The following LIN52 variants were observed in gnomAD, a reference collection of about 807,000 sequenced individuals.
LIN52 encodes protein lin-52 homolog.
Under a neutral mutation model 18.5 loss-of-function variants are expected in LIN52, and 4 were observed. The ratio of observed to expected loss-of-function variants is 0.22; its 90% confidence interval spans 0.11 to 0.49. The LOEUF is 0.49. Ranked by LOEUF, LIN52 falls within the 20% of genes least tolerant of loss-of-function variation. The pLI is 0.97. For synonymous variants in LIN52, 34 were observed against 45.5 expected (o/e 0.75, Z 1.02); for missense variants, 102 against 139.5 (o/e 0.73, Z 1.35).
chr14:74,149,892 A>G (rs2061169188), intron 5 of LIN52, among the ~76,000 whole-genome samples: 2 of 152,166 alleles, frequency 1.3e-5, no homozygotes, highest in Admixed American at 1.3e-4. Flanking sequence ...ATAGTCCTCA[A>G]GGGGGACCAA....
intron 5 of LIN52, among the ~76,000 whole-genome samples, chr14:74,166,518 CTT>C (rs2139570754): frequency 6.6e-6 from 1 of 152,286 alleles, no homozygotes; most frequent in African/African-American, 2.4e-5. Context: ...CGGCCAAGAT[CTT>C]TAAATTAAAA....
At chr14:74,090,602 T>C (rs952965393) in intron 1 of LIN52, among the ~76,000 whole-genome samples, 2 of 152,236 alleles carry the variant, frequency 1.3e-5, no homozygotes, top group African/African-American at 4.8e-5. Context: ...CCCAAAGTGC[T>C]GGGATTACAG....
chr14:74,180,431 A>G (rs1052071227), intron 5 of LIN52, among the ~76,000 whole-genome samples: 3 of 150,792 alleles, frequency 2.0e-5, no homozygotes, highest in African/African-American at 7.3e-5. Flanking sequence ...ATGCCCAGCT[A>G]ATTTTTTTTT....
chr14:74,141,786 T>G (rs1344969244), intron 5 of LIN52, among the ~76,000 whole-genome samples: 1 of 152,224 alleles, frequency 6.6e-6, no homozygotes, highest in East Asian at 1.9e-4. Context: ...TAGCCTTTGA[T>G]GAGTGTTGTC....
At chr14:74,191,019 T>C (rs1329383536) in intron 5 of LIN52, among the ~76,000 whole-genome samples, 4 of 152,234 alleles carry the variant, frequency 2.6e-5, no homozygotes, top group Non-Finnish European at 4.4e-5. Context: ...CCTTGACTTA[T>C]TGATCACTTA....
chr14:74,104,041 G>A (rs1205580662), intron 5 of LIN52, among the ~76,000 whole-genome samples: 5 of 151,704 alleles, frequency 3.3e-5, no homozygotes, highest in African/African-American at 1.2e-4. Context: ...TGAGATTACA[G>A]GCTCATGCCA....
At chr14:74,185,280 A>G (rs1296223072) in intron 5 of LIN52, among the ~76,000 whole-genome samples, 8 of 123,048 alleles carry the variant, frequency 6.5e-5, no homozygotes, top group Admixed American at 6.2e-4. Flanking sequence ...GGGGGTTTTT[A>G]TGTAATATAT....
chr14:74,161,402 T>C (rs1595180048), intron 5 of LIN52, among the ~76,000 whole-genome samples: 1 of 152,280 alleles, frequency 6.6e-6, no homozygotes, highest in Middle Eastern at 3.4e-3. Context: ...GCCAGGCTGG[T>C]CTCAAACTCC....
intron 5 of LIN52, among the ~76,000 whole-genome samples, 166 bp from the exon 6 acceptor site, chr14:74,198,756 G>A (rs2078929856): frequency 6.6e-6 from 1 of 152,148 alleles, no homozygotes; most frequent in Non-Finnish European, 1.5e-5. Context: ...TGTCTATAGT[G>A]GTTTGTTTTT....
chr14:74,103,075 C>CTGTTT (rs546838212), intron 5 of LIN52, among the ~76,000 whole-genome samples: 11 of 152,134 alleles, frequency 7.2e-5, no homozygotes, highest in South Asian at 4.2e-4. Flanking sequence ...CTTTCTTTTG[C>CTGTTT]TGTTTTGTTT....
At chr14:74,142,283 A>G (rs1184017123) in intron 5 of LIN52, among the ~76,000 whole-genome samples, 2 of 152,220 alleles carry the variant, frequency 1.3e-5, no homozygotes, top group Non-Finnish European at 2.9e-5. Flanking sequence ...TCATACTACT[A>G]AATTGCAAAA....
chr14:74,093,020 C>T (rs1020645870), intron 2 of LIN52, among the ~76,000 whole-genome samples: 4 of 151,558 alleles, frequency 2.6e-5, no homozygotes, highest in African/African-American at 9.7e-5. Flanking sequence ...GGTGCAATCT[C>T]GGCTCACTGC....
At chr14:74,172,124 T>C (rs1269703125) in intron 5 of LIN52, among the ~76,000 whole-genome samples, 1 of 152,236 alleles carries the variant, frequency 6.6e-6, no homozygotes, top group East Asian at 1.9e-4. Flanking sequence ...GTTTCTTCAC[T>C]ATTGTAAGGC....
intron 5 of LIN52, among the ~76,000 whole-genome samples, chr14:74,155,391 A>C (rs1028049101): frequency 2.6e-5 from 4 of 152,258 alleles, no homozygotes; most frequent in Admixed American, 2.0e-4. Context: ...CAGAGCAGTG[A>C]AATAGAGAGG....
chr14:74,181,457 G>A lies in LIN52; in HGVS notation c.284-17465G>A, dbSNP rs192661738. Reference sequence around the variant, plus strand: ...TGTCAAAAAAAAAAAAAAAATTCTAGTACATGCTTATGCTTATACTAGAAT... The same window carrying A: ...TGTCAAAAAAAAAAAAAAAATTCTAATACATGCTTATGCTTATACTAGAAT... On this transcript the variant is annotated intron_variant, in intron 5 of 5. Coordinates refer to ENST00000555028, the MANE Select transcript of LIN52 (RefSeq NM_001024674.3). Among the ~76,000 whole-genome samples, 13 of 151,282 alleles carry A rather than the reference G, an allele frequency of 8.6e-5. No homozygotes were observed. The Admixed American group carries it at 8.6e-4, about 10-fold the overall frequency.
intron 5 of LIN52, chr14:74,114,076 G>A: frequency 1.1e-6 from 1 of 925,254 alleles, no homozygotes; most frequent in South Asian, 5.0e-5. Flanking sequence ...TACCTCCCGG[G>A]CTCAAGCAAG....
intron 5 of LIN52, chr14:74,114,107 A>C (rs1393015572): frequency 2.0e-6 from 2 of 981,326 alleles, no homozygotes; most frequent in African/African-American, 3.5e-5. Context: ...CAGCTTCCCA[A>C]GTAGCTGGGA....
chr14:74,173,900 G>A (rs11849458), intron 5 of LIN52, among the ~76,000 whole-genome samples: 1 of 152,110 alleles, frequency 6.6e-6, no homozygotes, highest in African/African-American at 2.4e-5. Context: ...GTTCTCTTGC[G>A]AGAACAAAGC....
intron 5 of LIN52, among the ~76,000 whole-genome samples, chr14:74,103,598 A>G (rs954510488): frequency 6.6e-6 from 1 of 150,832 alleles, no homozygotes; most frequent in African/African-American, 2.4e-5. Context: ...AGGCCCAGCT[A>G]ATTTTGTATT....
Sources: gnomAD v4.1 joint callset for allele counts (sites outside exome capture counted in the v4.1 genomes callset) on GRCh38, gnomAD v4.1.1 for gene constraint, MANE v1.5 for transcripts, NCBI Gene and HGNC (gene_info 2026-07-23, HGNC 2026-07-21) for gene names.